ZDHHC20: variants seen among roughly 807,000 people sequenced by gnomAD.
ZDHHC20 encodes the protein zDHHC palmitoyltransferase 20.
A neutral mutation model predicts 57.8 loss-of-function variants in ZDHHC20; 43 were observed. The ratio of observed to expected loss-of-function variants is 0.74; its 90% CI spans 0.58 to 0.96. The LOEUF is 0.96. Among genes scored for constraint, ZDHHC20 ranks in the 40% least tolerant of loss-of-function variants. The pLI is 0.00. For synonymous variants in ZDHHC20, 157 were observed against 153.0 expected (o/e 1.03, Z -0.19); for missense variants, 391 against 441.1 (o/e 0.89, Z 1.02).
intron 8 of ZDHHC20, 109 bp downstream of exon 8, chr13:21,391,613 T>C: frequency 2.5e-6 from 3 of 1,196,532 alleles, no homozygotes; most frequent in Non-Finnish European, 3.4e-6. Flanking sequence ...AATTCCAGAG[T>C]CAGAATTGTC....
rs1026806060 is a variant in ZDHHC20 at position 21,412,984 on chromosome 13, A to C, written c.370+668T>G. ...CTCCGTCTCAAAAAAAAAAAAAAAA[A>C]AAAAAAACAATTTCCCAAACAACAA... On this transcript the variant is annotated intron_variant, in intron 4 of 12. Coordinates refer to ENST00000400590, the MANE Select transcript of ZDHHC20 (RefSeq NM_001330059.2). Among the ~76,000 whole-genome samples, 159 of 151,650 alleles carry C rather than the reference A, an allele frequency of 1.0e-3. 2 individuals carry two copies. Among genetic ancestry groups the C allele is most frequent in the Admixed American group, 5.9e-4 (9 of 15,230 alleles).
rs1328664858 is a variant in ZDHHC20, at chr13:21,372,935, C to T, written c.*3761G>A. 6.6e-6 allele frequency: 1 copy of T among 152,152 alleles called. No homozygotes were observed. Among genetic ancestry groups the T allele is most frequent in the Non-Finnish European group, 1.5e-5 (1 of 67,992 alleles). 9.4% of individuals were successfully genotyped at this position (152,152 alleles called of 1,614,324 possible). On this transcript the variant is annotated 3_prime_UTR_variant, in exon 13 of 13. Coordinates refer to ENST00000400590, the MANE Select transcript of ZDHHC20 (RefSeq NM_001330059.2). ...TTAATACAAGTACAATTCCTTGCTT[C>T]TTTATGCAACCTAACAAAATAATAT...
At chr13:21,458,227 G>T (rs1358900997) in intron 1 of ZDHHC20, among the ~76,000 whole-genome samples, 1 of 152,316 alleles carries the variant, frequency 6.6e-6, no homozygotes, top group South Asian at 2.1e-4. Context: ...TTAAATCCTT[G>T]AAGTATACTG....
chr13:21,392,756 A>G (rs1875970804), intron 7 of ZDHHC20, among the ~76,000 whole-genome samples: 1 of 152,222 alleles, frequency 6.6e-6, no homozygotes, highest in Non-Finnish European at 1.5e-5. Flanking sequence ...AAAAAGTATT[A>G]CAGACTAAAA....
chr13:21,459,009 A>G, intron 1 of ZDHHC20, 45 bp downstream of exon 1: 3 of 1,501,944 alleles, frequency 2.0e-6, no homozygotes, highest in Non-Finnish European at 2.7e-6. Context: ...CTCGCGCCCT[A>G]GCCGCGGCCC....
intron 1 of ZDHHC20, among the ~76,000 whole-genome samples, chr13:21,434,725 G>A (rs1882367496): frequency 6.6e-6 from 1 of 151,866 alleles, no homozygotes; most frequent in Non-Finnish European, 1.5e-5. Flanking sequence ...GATGTCTTGT[G>A]AAATGTCCTA....
At chr13:21,399,399 C>A (rs1437452699) in intron 7 of ZDHHC20, among the ~76,000 whole-genome samples, 1 of 151,548 alleles carries the variant, frequency 6.6e-6, no homozygotes, top group Non-Finnish European at 1.5e-5. Flanking sequence ...AAAATAATTT[C>A]TAAATTTTTA....
chr13:21,400,249 T>C, intron 7 of ZDHHC20, 124 bp downstream of exon 7: 2 of 919,692 alleles, frequency 2.2e-6, no homozygotes, highest in Non-Finnish European at 3.1e-6. Flanking sequence ...CTCTGATGGA[T>C]TTATAAAACT....
chr13:21,412,595 C>T (rs1879362687), intron 4 of ZDHHC20, among the ~76,000 whole-genome samples: 1 of 151,972 alleles, frequency 6.6e-6, no homozygotes, highest in African/African-American at 2.4e-5. Context: ...AGAATGAAAG[C>T]CCGTTGCCTG....
At chr13:21,397,120 C>T (rs969417274) in intron 7 of ZDHHC20, among the ~76,000 whole-genome samples, 9 of 152,092 alleles carry the variant, frequency 5.9e-5, no homozygotes, top group African/African-American at 1.7e-4. Context: ...TTGGGCTGGC[C>T]GCAGTGGCTC....
intron 12 of ZDHHC20, chr13:21,376,926 G>T (rs1872190163): frequency 4.3e-6 from 1 of 235,150 alleles, no homozygotes; most frequent in South Asian, 9.6e-5. Flanking sequence ...CATCTGAGAA[G>T]ACATCTGGTC....
chr13:21,455,781 T>C (rs1055726101), intron 1 of ZDHHC20, among the ~76,000 whole-genome samples: 3 of 152,196 alleles, frequency 2.0e-5, no homozygotes, highest in African/African-American at 7.2e-5. Context: ...ATTTTTATTG[T>C]CTGAGATATT....
At chr13:21,392,976 T>A (rs1291533475) in intron 7 of ZDHHC20, among the ~76,000 whole-genome samples, 1 of 152,204 alleles carries the variant, frequency 6.6e-6, no homozygotes, top group African/African-American at 2.4e-5. Context: ...CAACTCTCTG[T>A]AGACTTCCTG....
intron 1 of ZDHHC20, among the ~76,000 whole-genome samples, chr13:21,445,671 G>A (rs904659659): frequency 1.3e-5 from 2 of 152,078 alleles, no homozygotes; most frequent in Non-Finnish European, 2.9e-5. Flanking sequence ...GCGAATTGGC[G>A]GCTACACAAT....
intron 1 of ZDHHC20, among the ~76,000 whole-genome samples, chr13:21,454,183 G>A (rs533329590): frequency 5.9e-5 from 9 of 152,132 alleles, no homozygotes; most frequent in South Asian, 4.2e-4. Context: ...AAAATTAGCC[G>A]GGCGTGGTGG....
chr13:21,390,727 C>G (rs1875541214), intron 8 of ZDHHC20, among the ~76,000 whole-genome samples: 1 of 151,892 alleles, frequency 6.6e-6, no homozygotes, highest in South Asian at 2.1e-4. Flanking sequence ...TAGCAAGACC[C>G]CATCTCCATA....
intron 4 of ZDHHC20, among the ~76,000 whole-genome samples, chr13:21,412,778 G>C (rs1448737765): frequency 1.3e-5 from 2 of 151,910 alleles, no homozygotes; most frequent in Non-Finnish European, 2.9e-5. Context: ...AGACCAGCCT[G>C]GCCAACATAG....
At chr13:21,418,078 T>C (rs1880221598) in intron 3 of ZDHHC20, among the ~76,000 whole-genome samples, 1 of 152,188 alleles carries the variant, frequency 6.6e-6, no homozygotes, top group East Asian at 1.9e-4. Context: ...TAATAGTTAC[T>C]GAAAATCCAC....
chr13:21,417,470 A>G (rs9580110), intron 3 of ZDHHC20, among the ~76,000 whole-genome samples: 79,931 of 151,802 alleles, frequency 0.53, 21,442 homozygotes, highest in Non-Finnish European at 0.58. Flanking sequence ...ACAGAGTTTC[A>G]CTCTTGTTGC....
Sources: gnomAD v4.1 joint callset for allele counts (sites outside exome capture counted in the v4.1 genomes callset) on GRCh38, gnomAD v4.1.1 for gene constraint, MANE v1.5 for transcripts, NCBI Gene and HGNC (gene_info 2026-07-23, HGNC 2026-07-21) for gene names.